OPCML: variants seen among roughly 807,000 people sequenced by gnomAD.
OPCML encodes opioid-binding protein/cell adhesion molecule.
Under a neutral mutation model 37.8 loss-of-function variants are expected in OPCML, and 13 were observed. The observed-to-expected ratio is 0.34, with a 90% CI of 0.22 to 0.55. The LOEUF is 0.55. Among genes scored for constraint, OPCML ranks in the 20% least tolerant of loss-of-function variants. The pLI is 0.91. For missense variants in OPCML, 341 were observed against 435.6 expected (o/e 0.78, Z 1.93); for synonymous variants, 176 against 168.8 (o/e 1.04, Z -0.33).
chr11:132,986,757 G>C (rs938735076), intron 1 of OPCML, among the ~76,000 whole-genome samples: 7 of 152,220 alleles, frequency 4.6e-5, no homozygotes, highest in African/African-American at 1.7e-4. Flanking sequence ...ATGAGAATGG[G>C]TAATCGAGAG....
chr11:133,206,014 C>T lies in OPCML; in HGVS notation c.62-263004G>A, dbSNP rs967450544. On this transcript the variant is annotated intron_variant, in intron 1 of 7. Transcript: ENST00000524381. The surrounding 1 kb of genome is among the most constrained non-coding windows in gnomAD (Gnocchi z 4.7). ...GGTGAGATGGAGATGCTACTACTGC[C>T]GTGAGGAATACAAGAGCTAATGTAC... Among the ~76,000 whole-genome samples, 10 of 152,216 alleles carry T rather than the reference C, an allele frequency of 6.6e-5. No individual in the cohort carries two copies. Among genetic ancestry groups the T allele is most frequent in the Admixed American group, 2.0e-4 (3 of 15,286 alleles).
chr11:133,113,152 T>C (rs1010887183), intron 1 of OPCML, among the ~76,000 whole-genome samples: 77 of 152,338 alleles, frequency 5.1e-4, no homozygotes, highest in African/African-American at 1.8e-3. Flanking sequence ...CCATCCTTTA[T>C]ATTTTGCCTT....
intron 3 of OPCML, among the ~76,000 whole-genome samples, chr11:132,540,984 G>A (rs2096355010): frequency 1.3e-5 from 2 of 152,120 alleles, no homozygotes. Context: ...TCCCTGGAGA[G>A]TTCTTCTGGC....
At chr11:132,695,217 C>T (rs896683378) in intron 2 of OPCML, among the ~76,000 whole-genome samples, 1 of 152,162 alleles carries the variant, frequency 6.6e-6, no homozygotes, top group Non-Finnish European at 1.5e-5. Flanking sequence ...ATTGGAAGCA[C>T]GGCCCCTTAG....
intron 3 of OPCML, among the ~76,000 whole-genome samples, chr11:132,557,984 G>A (rs1437162506): frequency 6.6e-6 from 1 of 151,562 alleles, no homozygotes. Context: ...CAAAAAGGAA[G>A]ACACACATGC....
intron 1 of OPCML, among the ~76,000 whole-genome samples, chr11:133,330,733 C>T (rs1483949737): frequency 6.6e-6 from 1 of 151,964 alleles, no homozygotes; most frequent in Non-Finnish European, 1.5e-5. Context: ...ATACCTAATG[C>T]TAAATGACGA....
intron 1 of OPCML, among the ~76,000 whole-genome samples, chr11:133,099,652 A>G (rs1018660709): frequency 6.6e-6 from 1 of 151,666 alleles, no homozygotes; most frequent in Non-Finnish European, 1.5e-5. Context: ...TTTGATTTGC[A>G]TTTCTGTAAC....
chr11:132,540,650 G>T (rs1016770274), intron 3 of OPCML, among the ~76,000 whole-genome samples: 1 of 152,186 alleles, frequency 6.6e-6, no homozygotes, highest in Non-Finnish European at 1.5e-5. Context: ...ATTTTGATGA[G>T]AGAAATGATA....
intron 1 of OPCML, among the ~76,000 whole-genome samples, chr11:133,090,915 C>A (rs958568168): frequency 5.3e-5 from 8 of 152,178 alleles, no homozygotes; most frequent in African/African-American, 1.9e-4. Flanking sequence ...AGATGCTATT[C>A]ATCAAGTCAA....
Position 132,638,163 on chromosome 11 carries a change from C to CTATATA in OPCML, c.379+18918_379+18923dup, listed in dbSNP as rs71905540. On this transcript the variant is annotated intron_variant, in intron 3 of 7. Transcript: ENST00000524381. ...GAAAGCTAAAGAGCATATATACAGACTATATATATATATATATATATATAC... is the reference window on the plus strand; with the variant it reads ...GAAAGCTAAAGAGCATATATACAGACTATATATATATATATATATATATATATATAC... Among the ~76,000 whole-genome samples the CTATATA allele has an allele frequency of 5.5e-4, 71 of 128,238 alleles. 2 individuals carry two copies. Among genetic ancestry groups the CTATATA allele is most frequent in the Non-Finnish European group, 8.2e-4 (48 of 58,516 alleles). The allele number at this position is 128,238 out of a possible 152,430, so 84.1% of individuals were successfully genotyped here. A position where few individuals can be genotyped will look rare whatever the true frequency, so the allele number is the denominator to read the frequency against.
chr11:132,648,521 CT>C (rs770218241), intron 3 of OPCML, among the ~76,000 whole-genome samples: 1,689 of 139,346 alleles, frequency 0.012, 23 homozygotes, highest in African/African-American at 0.033. Context: ...TTCTCTCTGT[CT>C]TTTTTTTTTT....
At chr11:133,282,279 A>C (rs1942180106) in intron 1 of OPCML, among the ~76,000 whole-genome samples, 1 of 152,198 alleles carries the variant, frequency 6.6e-6, no homozygotes, top group South Asian at 2.1e-4. Context: ...TGTCCTGAGC[A>C]ATCTCCAGAC....
intron 1 of OPCML, among the ~76,000 whole-genome samples, chr11:133,500,410 T>C (rs1468639620): frequency 1.3e-5 from 2 of 152,204 alleles, no homozygotes; most frequent in African/African-American, 4.8e-5. Context: ...CTCCAGGCCA[T>C]TATGCTATTA....
At chr11:133,267,579 T>G (rs1941699397) in intron 1 of OPCML, among the ~76,000 whole-genome samples, 1 of 152,242 alleles carries the variant, frequency 6.6e-6, no homozygotes, top group Non-Finnish European at 1.5e-5. Flanking sequence ...AATAATTGTT[T>G]TGCTGTGAGC....
intron 1 of OPCML, chr11:133,003,769 A>ACT (rs1947055215): frequency 7.1e-6 from 7 of 985,308 alleles, no homozygotes; most frequent in Middle Eastern, 5.2e-4. Context: ...AATTCTGAGC[A>ACT]GTGGATTACC....
intron 1 of OPCML, among the ~76,000 whole-genome samples, chr11:133,160,222 G>A (rs146368488): frequency 4.2e-4 from 64 of 152,356 alleles, no homozygotes; most frequent in Non-Finnish European, 8.2e-4. Context: ...AATTCCAAGA[G>A]GGGCGAAGTA....
chr11:133,008,960 T>G, intron 1 of OPCML: 1 of 985,404 alleles, frequency 1.0e-6, no homozygotes, highest in African/African-American at 1.7e-5. Context: ...ATTTTCTACA[T>G]TACTGAGGAG....
chr11:133,484,820 A>G (rs1381835193), intron 1 of OPCML, among the ~76,000 whole-genome samples: 10 of 152,156 alleles, frequency 6.6e-5, no homozygotes, highest in Admixed American at 4.6e-4. Flanking sequence ...TAAAATATAA[A>G]GGGAAATTAC....
At chr11:133,084,462 A>C (rs193147017) in intron 1 of OPCML, among the ~76,000 whole-genome samples, 3 of 152,176 alleles carry the variant, frequency 2.0e-5, no homozygotes, top group Non-Finnish European at 2.9e-5. Flanking sequence ...CACAAAGAAA[A>C]CTTCATACCA....
Sources: allele counts gnomAD v4.1 joint callset (sites outside exome capture counted in the v4.1 genomes callset), GRCh38; gene constraint gnomAD v4.1.1; non-coding constraint Gnocchi (gnomAD v3.1); transcripts MANE v1.5; gene names NCBI Gene and HGNC (gene_info 2026-07-23, HGNC 2026-07-21).